Variants in RBFOX1 observed in about 807,000 individuals in gnomAD.
The protein encoded by RBFOX1 is RNA binding fox-1 homolog 1, also known as RNA binding protein fox-1 homolog 1.
In RBFOX1, 8 loss-of-function variants were observed where a neutral mutation model predicts 57.7. The ratio of observed to expected loss-of-function variants is 0.14; its 90% CI spans 0.08 to 0.25. The LOEUF (loss-of-function observed/expected upper bound fraction) is 0.25. Ranked by LOEUF, RBFOX1 falls within the 10% of genes least tolerant of loss-of-function variation. RBFOX1 has a pLI of 1.00. For missense variants in RBFOX1, 611 were observed against 548.5 expected, an observed-to-expected ratio of 1.11 and a Z score of -1.14; for synonymous variants, 326 against 222.4, an observed-to-expected ratio of 1.47 and a Z score of -4.15.
chr16:7,502,067 G>C (rs2071087586), intron 4 of RBFOX1, among the ~76,000 whole-genome samples: 1 of 151,906 alleles, frequency 6.6e-6, no homozygotes, highest in South Asian at 2.1e-4. Context: ...TTTCTTCCAA[G>C]TCCGACTATC....
chr16:7,618,143 A>C (rs571153801), intron 10 of RBFOX1, among the ~76,000 whole-genome samples: 11 of 152,336 alleles, frequency 7.2e-5, no homozygotes, highest in Middle Eastern at 3.4e-3. Context: ...GAAAGGTTGC[A>C]TAAGACCTTA....
At chr16:5,497,638 A>AAAAAAAG (rs71142625) in intron 2 of RBFOX1, among the ~76,000 whole-genome samples, 1 of 139,402 alleles carries the variant, frequency 7.2e-6, no homozygotes, top group African/African-American at 3.0e-5. Context: ...AAAAAAAAAA[A>AAAAAAAG]GCTGGGCATG....
intron 3 of RBFOX1, among the ~76,000 whole-genome samples, chr16:6,937,111 A>T (rs139209085): frequency 0.012 from 1,895 of 152,220 alleles, 43 homozygotes; most frequent in African/African-American, 0.043. Flanking sequence ...AATAAATAAA[A>T]AAAGATCCAT....
chr16:6,673,740 G>A (rs1265990925), intron 3 of RBFOX1, among the ~76,000 whole-genome samples: 3 of 152,166 alleles, frequency 2.0e-5, no homozygotes, highest in Non-Finnish European at 4.4e-5. Flanking sequence ...CAAAGGCAAG[G>A]ACAGAAATGT....
intron 2 of RBFOX1, among the ~76,000 whole-genome samples, chr16:6,375,303 C>G (rs553807257): frequency 6.6e-6 from 1 of 151,516 alleles, no homozygotes. Flanking sequence ...AAAACAAAAA[C>G]AAAAACAAAA....
Position 6,370,124 on chromosome 16 carries a change from C to T in RBFOX1, c.-64+53067C>T, listed in dbSNP as rs141133439. ...CTGTAATCCCAGCACTTTGGGAGGC[C>T]GAGGCAGGCGGATCATGAGATCAGG... On this transcript the variant is annotated intron_variant, in intron 2 of 15. Transcript: ENST00000550418. Among the ~76,000 whole-genome samples, 1,299 of 151,938 alleles carry T rather than the reference C, an allele frequency of 8.5e-3. 21 individuals carry two copies. Among genetic ancestry groups the T allele is most frequent in the African/African-American group, 0.028 (1,147 of 41,472 alleles).
At chr16:6,277,635 C>T (rs1016605835) in intron 1 of RBFOX1, among the ~76,000 whole-genome samples, 1 of 146,972 alleles carries the variant, frequency 6.8e-6, no homozygotes, top group Admixed American at 6.9e-5. Context: ...CACGGCAACC[C>T]AGCCTGGGCT....
chr16:6,532,563 G>A (rs1049993401), intron 2 of RBFOX1, among the ~76,000 whole-genome samples: 1 of 152,096 alleles, frequency 6.6e-6, no homozygotes, highest in African/African-American at 2.4e-5. Flanking sequence ...CCCTCATGCT[G>A]CCATCCCCTT....
intron 4 of RBFOX1, among the ~76,000 whole-genome samples, chr16:5,977,800 C>T (rs933728703): frequency 6.6e-6 from 1 of 152,136 alleles, no homozygotes; most frequent in Non-Finnish European, 1.5e-5. Context: ...GAGACACCAC[C>T]ATCAAGGTGG....
intron 4 of RBFOX1, among the ~76,000 whole-genome samples, chr16:5,990,537 T>G (rs1183046242): frequency 6.6e-6 from 1 of 152,178 alleles, no homozygotes; most frequent in Non-Finnish European, 1.5e-5. Flanking sequence ...TGCTACAGCC[T>G]GACTTGTTCT....
intron 2 of RBFOX1, among the ~76,000 whole-genome samples, chr16:6,341,543 C>G (rs1322798105): frequency 6.6e-6 from 1 of 152,114 alleles, no homozygotes; most frequent in African/African-American, 2.4e-5. Context: ...CAAAAGGATT[C>G]CTAATTTTGC....
chr16:6,925,213 A>G (rs1178741602), intron 3 of RBFOX1, among the ~76,000 whole-genome samples: 1 of 127,648 alleles, frequency 7.8e-6, no homozygotes, highest in Admixed American at 9.6e-5. Flanking sequence ...AGCTCACTGA[A>G]GCCTCTGCCT....
chr16:7,701,486 G>A, intron 14 of RBFOX1, among the ~76,000 whole-genome samples: 1 of 152,178 alleles, frequency 6.6e-6, no homozygotes, highest in Non-Finnish European at 1.5e-5. Context: ...TCTAATGCCT[G>A]ATGATCTGAA....
intron 1 of RBFOX1, among the ~76,000 whole-genome samples, chr16:5,240,469 C>T (rs1321660658): frequency 2.0e-5 from 3 of 152,208 alleles, no homozygotes; most frequent in African/African-American, 7.2e-5. Flanking sequence ...TTTGTCGGTC[C>T]CACCTGGCGG....
intron 1 of RBFOX1, among the ~76,000 whole-genome samples, chr16:5,337,993 A>G (rs1026864411): frequency 1.3e-5 from 2 of 152,172 alleles, no homozygotes; most frequent in Non-Finnish European, 2.9e-5. Flanking sequence ...GCAGTGAACT[A>G]TGATTGCACC....
chr16:5,432,814 C>G (rs1221799786), intron 1 of RBFOX1, among the ~76,000 whole-genome samples: 1 of 151,802 alleles, frequency 6.6e-6, no homozygotes, highest in Non-Finnish European at 1.5e-5. Context: ...AAGACAGGGT[C>G]TTACTCTGTC....
intron 1 of RBFOX1, among the ~76,000 whole-genome samples, chr16:5,354,311 C>G (rs2065334872): frequency 6.6e-6 from 1 of 152,176 alleles, no homozygotes; most frequent in African/African-American, 2.4e-5. Context: ...TCTCTATTCA[C>G]TGTCTTTCAG....
At chr16:5,392,184 G>A (rs2066430274) in intron 1 of RBFOX1, among the ~76,000 whole-genome samples, 1 of 152,164 alleles carries the variant, frequency 6.6e-6, no homozygotes, top group South Asian at 2.1e-4. Flanking sequence ...GGTTCATTAT[G>A]TACTGCTTGG....
chr16:6,559,049 G>A (rs913223278), intron 2 of RBFOX1, among the ~76,000 whole-genome samples: 11 of 152,038 alleles, frequency 7.2e-5, no homozygotes, highest in Non-Finnish European at 1.5e-4. Flanking sequence ...TAGGATAGAT[G>A]AGAATATGTC....
Sources: allele counts gnomAD v4.1 joint callset (sites outside exome capture counted in the v4.1 genomes callset), GRCh38; gene constraint gnomAD v4.1.1; transcripts MANE v1.5; gene names NCBI Gene and HGNC (gene_info 2026-07-23, HGNC 2026-07-21).